ACSM6: variants seen among roughly 807,000 people sequenced by gnomAD.
The protein encoded by ACSM6 is acyl-coenzyme A synthetase ACSM6, mitochondrial.
ACSM6 carries 35 observed loss-of-function variants against 51.1 expected under a neutral mutation model. The ratio of observed to expected loss-of-function variants is 0.69; its 90% CI spans 0.52 to 0.91. The LOEUF (loss-of-function observed/expected upper bound fraction) is 0.91. ACSM6 is among the 40% of genes least tolerant of loss of function. The pLI is 0.00. For synonymous variants in ACSM6, 172 were observed against 207.3 expected (o/e 0.83, Z 1.46); for missense variants, 509 against 584.1 (o/e 0.87, Z 1.32).
intron 2 of ACSM6, among the ~76,000 whole-genome samples, chr10:95,199,963 A>G (rs1306175921): frequency 5.9e-5 from 9 of 152,186 alleles, no homozygotes; most frequent in Non-Finnish European, 1.3e-4. Context: ...AGGGATCTAG[A>G]ACTAGAAATA....
intron 10 of ACSM6, among the ~76,000 whole-genome samples, chr10:95,226,913 T>C (rs684203): frequency 0.16 from 24,486 of 152,136 alleles, 2,159 homozygotes; most frequent in Middle Eastern, 0.4. Context: ...AAAAGTGGGA[T>C]TGTACTCTAT....
chr10:95,221,283 A>G (rs1002242315), intron 9 of ACSM6, among the ~76,000 whole-genome samples: 11 of 152,196 alleles, frequency 7.2e-5, no homozygotes, highest in African/African-American at 2.7e-4. Context: ...TAGAATCCCT[A>G]TGAATAATTA....
chr10:95,213,999 A>G (rs1759544132), intron 7 of ACSM6, among the ~76,000 whole-genome samples: 1 of 152,248 alleles, frequency 6.6e-6, no homozygotes, highest in Non-Finnish European at 1.5e-5. Flanking sequence ...CATCTCATAT[A>G]AAATGTTCAG....
intron 2 of ACSM6, among the ~76,000 whole-genome samples, chr10:95,200,069 A>C (rs2034776330): frequency 1.3e-5 from 2 of 152,190 alleles, no homozygotes; most frequent in Non-Finnish European, 2.9e-5. Flanking sequence ...TTATTGAGGC[A>C]CTATTCACAA....
chr10:95,194,400 A>G, intron 1 of ACSM6, 65 bp from the exon 2 acceptor site: 2 of 1,265,488 alleles, frequency 1.6e-6, no homozygotes, highest in Non-Finnish European at 2.2e-6. Flanking sequence ...TCTCAGCACT[A>G]CAATCTCAGT....
intron 7 of ACSM6, among the ~76,000 whole-genome samples, chr10:95,213,780 G>T (rs1589495659): frequency 6.6e-6 from 1 of 152,254 alleles, no homozygotes; most frequent in South Asian, 2.1e-4. Context: ...TCAAGCCTTA[G>T]TGTTTGCTAA....
chr10:95,217,884 C>A (rs1438362400), intron 8 of ACSM6, among the ~76,000 whole-genome samples: 1 of 152,224 alleles, frequency 6.6e-6, no homozygotes, highest in East Asian at 1.9e-4. Context: ...ACGCTTGGTA[C>A]GCAAGTTACA....
At chr10:95,224,474 T>C (rs2035020730) in intron 9 of ACSM6, among the ~76,000 whole-genome samples, 1 of 152,190 alleles carries the variant, frequency 6.6e-6, no homozygotes, top group Admixed American at 6.5e-5. Flanking sequence ...TGGGGTGCAA[T>C]GGCATGATCT....
At chr10:95,200,717 A>G (rs892393461) in intron 2 of ACSM6, among the ~76,000 whole-genome samples, 4 of 151,876 alleles carry the variant, frequency 2.6e-5, no homozygotes, top group African/African-American at 9.7e-5. Flanking sequence ...AGAAAGAGAT[A>G]AAAGGAGGAA....
chr10:95,223,159 GACACACACAC>G (rs10572248), intron 9 of ACSM6, among the ~76,000 whole-genome samples: 13 of 146,798 alleles, frequency 8.9e-5, no homozygotes, highest in Middle Eastern at 3.2e-3. Context: ...CACACATACA[GACACACACAC>G]ACACACACAC....
intron 2 of ACSM6, among the ~76,000 whole-genome samples, chr10:95,201,257 T>C (rs565085773): frequency 1.2e-4 from 19 of 152,294 alleles, no homozygotes; most frequent in African/African-American, 4.6e-4. Flanking sequence ...GAGCTTCTAG[T>C]GTACTCATCA....
intron 2 of ACSM6, among the ~76,000 whole-genome samples, chr10:95,198,807 G>C (rs969297736): frequency 2.0e-5 from 3 of 152,252 alleles, no homozygotes; most frequent in Middle Eastern, 3.4e-3. Flanking sequence ...GGAGGAGAAG[G>C]GGTTGGGGAA....
At chr10:95,202,315 T>TG in intron 3 of ACSM6, 120 bp downstream of exon 3, 1 of 915,198 alleles carries the variant, frequency 1.1e-6, no homozygotes, top group Non-Finnish European at 1.7e-6. Context: ...TCCCACAGTG[T>TG]GGGGGATCTT....
intron 2 of ACSM6, among the ~76,000 whole-genome samples, chr10:95,195,684 C>G (rs1358616617): frequency 6.6e-6 from 1 of 152,172 alleles, no homozygotes. Context: ...CCCCTCTATT[C>G]TCCTCCCCTC....
In ACSM6 at chr10:95,202,021, G is replaced by C. The variant is rs983975912; in HGVS notation, c.229G>C (p.Val77Leu). ...AGGGCCTTACCCCGCCCTCTGGAAG[G>C]TTAGTGCCAAAGGAGAAGAGGACAA... Residue 77 changes from valine to leucine, a missense_variant, in exon 3 of 11, where the codon GTT becomes CTT. Coordinates refer to ENST00000341686, the Ensembl canonical transcript of ACSM6. 1.1e-5 allele frequency: 17 copies of C among 1,551,620 alleles called. No homozygotes were observed. The highest frequency in any genetic ancestry group is 1.7e-4 in the Middle Eastern group (1 of 6,014).
Position 95,218,415 on chromosome 10 carries a change from C to T in ACSM6, c.1120-1476C>T, listed in dbSNP as rs76759517. 3.1e-3 allele frequency among the ~76,000 whole-genome samples: 472 copies of T among 152,300 alleles called. 5 individuals are homozygous for T. Among genetic ancestry groups the T allele is most frequent in the African/African-American group, 0.011 (456 of 41,566 alleles). Reference sequence around the variant, plus strand: ...TTGCTGGGAATAGCTTCAAGGCTTACGGAATCAAGACTGGAGAGGCCAAAA... The same window carrying T: ...TTGCTGGGAATAGCTTCAAGGCTTATGGAATCAAGACTGGAGAGGCCAAAA... On this transcript the variant is annotated intron_variant, in intron 8 of 10. Coordinates refer to ENST00000341686, the Ensembl canonical transcript of ACSM6.
intron 9 of ACSM6, among the ~76,000 whole-genome samples, chr10:95,222,484 A>G (rs2035002821): frequency 6.6e-6 from 1 of 152,080 alleles, no homozygotes. Flanking sequence ...TTAGCCAGGC[A>G]TGGTGGCATA....
intron 3 of ACSM6, among the ~76,000 whole-genome samples, chr10:95,206,454 C>T (rs2034839509): frequency 6.6e-6 from 1 of 152,106 alleles, no homozygotes; most frequent in Non-Finnish European, 1.5e-5. Flanking sequence ...CGAACAATGA[C>T]ATTTTATGAT....
At chr10:95,225,350 A>G in exon 10 of ACSM6, 4 of 1,551,718 alleles carry the variant, frequency 2.6e-6, no homozygotes, top group Non-Finnish European at 3.5e-6. Flanking sequence ...TGCAATCCGC[A>G]TAAAACTAAA....
Sources: gnomAD v4.1 joint callset for allele counts (sites outside exome capture counted in the v4.1 genomes callset) on GRCh38, gnomAD v4.1.1 for gene constraint, MANE v1.5 for transcripts, NCBI Gene and HGNC (gene_info 2026-07-23, HGNC 2026-07-21) for gene names.